Variants in CAPN2 observed in about 807,000 individuals in gnomAD.
CAPN2 encodes the protein calpain 2, also known as calpain-2 catalytic subunit.
In CAPN2, 92 loss-of-function variants were observed where a neutral mutation model predicts 102.3. The observed-to-expected ratio is 0.90, with a 90% CI of 0.76 to 1.07. CAPN2 has a LOEUF of 1.07. Ranked by LOEUF, CAPN2 falls within the 50% of genes least tolerant of loss-of-function variation. The pLI is 0.00. For missense variants in CAPN2, 800 were observed against 909.4 expected (o/e 0.88, Z 1.55); for synonymous variants, 340 against 355.4 (o/e 0.96, Z 0.49).
intron 20 of CAPN2, 106 bp downstream of exon 20, chr1:223,772,345 T>TACA: frequency 1.1e-6 from 1 of 934,084 alleles, no homozygotes; most frequent in Admixed American, 1.8e-5. Context: ...TTTAAAGAGC[T>TACA]CTTGGTCTGT....
intron 2 of CAPN2, among the ~76,000 whole-genome samples, chr1:223,730,592 G>A (rs1326090996): frequency 1.3e-5 from 2 of 152,200 alleles, no homozygotes; most frequent in Non-Finnish European, 2.9e-5. Flanking sequence ...CTACTAGAGT[G>A]TGGTTGGAAT....
chr1:223,769,422 C>T (rs1661414470), intron 16 of CAPN2, among the ~76,000 whole-genome samples: 1 of 152,130 alleles, frequency 6.6e-6, no homozygotes, highest in South Asian at 2.1e-4. Flanking sequence ...TGCCTGGCCA[C>T]TTCTGTGAAG....
At chr1:223,712,328 C>G (rs1313797267), upstream of CAPN2, 6 of 492,846 alleles carry the variant, frequency 1.2e-5, no homozygotes, top group Non-Finnish European at 1.3e-5. Flanking sequence ...CCGCGATTCG[C>G]GAGCCTCCCC....
Position 223,761,552 on chromosome 1 carries a change from A to G in CAPN2, c.1530-29A>G, listed in dbSNP as rs376812706. On this transcript the variant is annotated intron_variant, in intron 12 of 20. Coordinates refer to ENST00000295006, the MANE Select transcript of CAPN2 (RefSeq NM_001748.5). Reference sequence around the variant, plus strand: ...TCCTTTTTGCCCTCGCCTGCCTTCCAGTAACACATAATTTCCTTCTATTTC... The same window carrying G: ...TCCTTTTTGCCCTCGCCTGCCTTCCGGTAACACATAATTTCCTTCTATTTC... 3.4e-5 allele frequency: 54 copies of G among 1,602,382 alleles called. No individual in the cohort carries two copies. The African/African-American group carries it at 7.3e-4, about 22-fold the overall frequency.
At position 223,775,920 on chromosome 1, in the gene CAPN2, T is replaced by G. The variant is rs981802867; in HGVS notation, c.*1063T>G. 2.6e-5 allele frequency: 4 copies of G among 152,670 alleles called. No individual in the cohort carries two copies. The highest frequency in any genetic ancestry group is 6.5e-5 in the Admixed American group (1 of 15,286). 9.5% of individuals were successfully genotyped at this position (152,670 alleles called of 1,614,324 possible). The stretch of plus-strand genomic sequence containing the variant: ...GCACACAATTATAGCTTGTTTCTAC[T>G]TTAACAAGGTATGCTGCCTCTGTAA... On this transcript the variant is annotated 3_prime_UTR_variant, in exon 21 of 21. Transcript: ENST00000295006.
Position 223,749,164 on chromosome 1 carries a change from C to G in CAPN2, c.813+42C>G, listed in dbSNP as rs1053527214. On this transcript the variant is annotated intron_variant, in intron 6 of 20. Coordinates refer to ENST00000295006, the MANE Select transcript of CAPN2 (RefSeq NM_001748.5). ...ATGTGCAGGGGTCCTGCTGTCCTGA[C>G]ACGATGGCCACAGGCACAGTTTGTG... The G allele has an allele frequency of 3.9e-6, 6 of 1,534,620 alleles. No individual in the cohort carries two copies. The South Asian group carries it at 5.6e-5, about 14-fold the overall frequency.
intron 2 of CAPN2, 128 bp from the exon 3 acceptor site, chr1:223,743,972 C>T: frequency 1.4e-6 from 1 of 702,160 alleles, no homozygotes; most frequent in Non-Finnish European, 2.6e-6. Context: ...TGGGGGACTG[C>T]CTGAAACTTC....
Position 223,752,850 on chromosome 1 carries a change from G to A in CAPN2, c.1029G>A (p.Leu343=), listed in dbSNP as rs1320047814. The A allele has an allele frequency of 1.2e-6, 2 of 1,613,958 alleles. No individual in the cohort carries two copies. The highest frequency in any genetic ancestry group is 2.2e-5 in the South Asian group (2 of 91,078). Residue 343 remains leucine (L), a synonymous_variant, in exon 9 of 21, where the codon CTG becomes CTA. Coordinates refer to ENST00000295006, the MANE Select transcript of CAPN2 (RefSeq NM_001748.5). ...ATTCCCGCCTGGAGATCTGTAACCTGACCCCAGACACTCTCACCAGCGATA... is the reference window on the plus strand; with the variant it reads ...ATTCCCGCCTGGAGATCTGTAACCTAACCCCAGACACTCTCACCAGCGATA... ...RHYSRLEICN[L]TPDTLTSDTY...
In CAPN2 at chr1:223,726,526, A is replaced by G. The variant is rs1423430663; in HGVS notation, c.307+8695A>G. On this transcript the variant is annotated intron_variant, in intron 2 of 20. Transcript: ENST00000295006. The surrounding 1 kb of genome is among the most constrained non-coding windows in gnomAD (Gnocchi z 4.4). ...ACGGCTGAGACAGGCAAGGGACTAG[A>G]GAGAGGAAGAGTGAATGTCAAGCCC... is the stretch of plus-strand genomic sequence containing the variant. 6.6e-6 allele frequency among the ~76,000 whole-genome samples: 1 copy of G among 152,124 alleles called. No homozygotes were observed. Among genetic ancestry groups the G allele is most frequent in the Non-Finnish European group, 1.5e-5 (1 of 68,014 alleles).
At chr1:223,704,052 A>C (rs954623663) in intron 1 of CAPN2, among the ~76,000 whole-genome samples, 2 of 152,116 alleles carry the variant, frequency 1.3e-5, no homozygotes, top group Admixed American at 1.3e-4. Context: ...GCACTTTGTG[A>C]GGCCAGGGCA....
rs758075979 is a variant in CAPN2, at chr1:223,727,860, G to T, written c.307+10029G>T. Among the ~76,000 whole-genome samples the T allele has an allele frequency of 2.0e-5, 3 of 152,126 alleles. No homozygotes were observed. Among genetic ancestry groups the T allele is most frequent in the Non-Finnish European group, 2.9e-5 (2 of 68,024 alleles). On this transcript the variant is annotated intron_variant, in intron 2 of 20. Transcript: ENST00000295006. The surrounding 1 kb of genome is among the most constrained non-coding windows in gnomAD (Gnocchi z 4.1). ...AATGGTTCCACTGGCAGGCCATTCC[G>T]TCTGCTCAGCTTCCTAGCTCAGGTG...
intron 16 of CAPN2, among the ~76,000 whole-genome samples, 160 bp from the exon 17 acceptor site, chr1:223,769,681 A>C (rs1661421709): frequency 1.3e-5 from 2 of 152,094 alleles, no homozygotes; most frequent in Admixed American, 6.5e-5. Flanking sequence ...CAATCCTTTA[A>C]ATGGAGGTTT....
At chr1:223,719,840 G>A (rs181560795) in intron 2 of CAPN2, among the ~76,000 whole-genome samples, 250 of 152,156 alleles carry the variant, frequency 1.6e-3, no homozygotes, top group Non-Finnish European at 2.9e-3. Context: ...GTGCGCGCGC[G>A]CGCGTATAAT....
At chr1:223,737,702 C>CG (rs1558066398) in intron 2 of CAPN2, among the ~76,000 whole-genome samples, 1 of 7,620 alleles carries the variant, frequency 1.3e-4, no homozygotes, top group African/African-American at 3.1e-4. Flanking sequence ...CCAAAAGAGA[C>CG]GGGGCGGGGG....
chr1:223,749,971 T>C (rs888344702), intron 6 of CAPN2, among the ~76,000 whole-genome samples: 1 of 152,074 alleles, frequency 6.6e-6, no homozygotes, highest in African/African-American at 2.4e-5. Flanking sequence ...GATCATGCCA[T>C]TGCACCCCAG....
intron 2 of CAPN2, among the ~76,000 whole-genome samples, chr1:223,734,039 C>T (rs899880075): frequency 6.6e-6 from 1 of 152,116 alleles, no homozygotes; most frequent in African/African-American, 2.4e-5. Context: ...GTTAAGGGGC[C>T]GTCTTTCCTT....
chr1:223,766,768 T>C lies in CAPN2; in HGVS notation c.1755+337T>C, dbSNP rs28370156. ...CGAGGTCAGGAGTTCGAGACCAGCC[T>C]GACCAACATGGTGAAACCTTGTCTC... is the stretch of plus-strand genomic sequence containing the variant. On this transcript the variant is annotated intron_variant, in intron 16 of 20. Transcript: ENST00000295006. 4.5e-3 allele frequency among the ~76,000 whole-genome samples: 679 copies of C among 152,292 alleles called. 4 individuals are homozygous for C. Among genetic ancestry groups the C allele is most frequent in the African/African-American group, 0.015 (644 of 41,568 alleles).
At position 223,757,352 on chromosome 1, in the gene CAPN2, T is replaced by A; in HGVS notation, c.1306-17T>A. The A allele has an allele frequency of 1.2e-6, 2 of 1,614,152 alleles. No homozygotes were observed. The highest frequency in any genetic ancestry group is 1.7e-6 in the Non-Finnish European group (2 of 1,180,004). On this transcript the variant is annotated splice_polypyrimidine_tract_variant and intron_variant, in intron 10 of 20. Transcript: ENST00000295006. ...CTGCTTTTCCGGCATCTGAATTGCA[T>A]CTCCTTTATTTTGCAGGTTCCAGAG... is the stretch of plus-strand genomic sequence containing the variant.
At position 223,745,510 on chromosome 1, in the gene CAPN2, C is replaced by A. The variant is rs935577332; in HGVS notation, c.560+71C>A. The A allele has an allele frequency of 2.5e-6, 4 of 1,574,740 alleles. No individual in the cohort carries two copies. The East Asian group carries it at 9.0e-5, about 35-fold the overall frequency. On this transcript the variant is annotated intron_variant, in intron 4 of 20. Coordinates refer to ENST00000295006, the MANE Select transcript of CAPN2 (RefSeq NM_001748.5). ...CTGGATTCCAAAAAATTCACTCATG[C>A]CTGTAATCTCAGCACTTTGGGAGGC... is the stretch of plus-strand genomic sequence containing the variant.
Sources: allele counts gnomAD v4.1 joint callset (sites outside exome capture counted in the v4.1 genomes callset), GRCh38; gene constraint gnomAD v4.1.1; non-coding constraint Gnocchi (gnomAD v3.1); transcripts MANE v1.5; gene names NCBI Gene and HGNC (gene_info 2026-07-23, HGNC 2026-07-21).